Variants in LOC128462377 observed in about 807,000 individuals in gnomAD.
At chr16:89,323,219 G>A in the LOC128462377 span, 31 of 1,002,594 alleles carry the variant, frequency 3.1e-5, no homozygotes, top group East Asian at 6.0e-5. Context: ...CGGACTGAGC[G>A]GAGGAAAAAA....
the LOC128462377 span, among the ~76,000 whole-genome samples, chr16:89,409,161 G>C: frequency 6.6e-6 from 1 of 152,298 alleles, no homozygotes; most frequent in East Asian, 1.9e-4. Context: ...GATTTTTTAG[G>C]TGAAGCCGAC....
chr16:89,331,887 G>A, the LOC128462377 span, among the ~76,000 whole-genome samples: 4 of 151,474 alleles, frequency 2.6e-5, no homozygotes, highest in South Asian at 2.1e-4. Context: ...CCGGGTTAAC[G>A]GGCTGGGGTG....
the LOC128462377 span, among the ~76,000 whole-genome samples, chr16:89,342,593 CA>C: frequency 1.3e-4 from 20 of 152,334 alleles, no homozygotes; most frequent in African/African-American, 4.8e-4. Context: ...TCCCCTCTAT[CA>C]TCTTTCTGAG....
the LOC128462377 span, among the ~76,000 whole-genome samples, chr16:89,366,693 T>C: frequency 1.3e-5 from 2 of 152,058 alleles, no homozygotes; most frequent in African/African-American, 4.8e-5. Flanking sequence ...TAGACAGAGG[T>C]GCGGCACAGT....
At chr16:89,341,221 C>G in the LOC128462377 span, among the ~76,000 whole-genome samples, 1 of 152,242 alleles carries the variant, frequency 6.6e-6, no homozygotes, top group Non-Finnish European at 1.5e-5. Context: ...GACTGGACTT[C>G]TGCTGCCATC....
chr16:89,323,181 C>A, the LOC128462377 span: 1 of 588,866 alleles, frequency 1.7e-6, no homozygotes. Context: ...GTGCCTTGTG[C>A]ACACCTCACA....
chr16:89,326,484 C>T, the LOC128462377 span, among the ~76,000 whole-genome samples: 1 of 152,216 alleles, frequency 6.6e-6, no homozygotes, highest in South Asian at 2.1e-4. Context: ...GTGGCTCACC[C>T]CTGTGGTCCC....
chr16:89,408,142 C>G, the LOC128462377 span, among the ~76,000 whole-genome samples: 1 of 152,152 alleles, frequency 6.6e-6, no homozygotes, highest in East Asian at 1.9e-4. Flanking sequence ...GAAGGACTTG[C>G]GCATGGCCCC....
chr16:89,344,738 A>AGCACAGCGGAGGGCACGGGG, the LOC128462377 span, among the ~76,000 whole-genome samples: 1 of 147,608 alleles, frequency 6.8e-6, no homozygotes, highest in Non-Finnish European at 1.5e-5. Flanking sequence ...AGGGCACGGG[A>AGCACAGCGGAGGGCACGGGG]GCACAGCGGA....
At chr16:89,418,043 A>G in the LOC128462377 span, among the ~76,000 whole-genome samples, 12 of 152,186 alleles carry the variant, frequency 7.9e-5, no homozygotes, top group South Asian at 2.1e-4. Context: ...AACCTATTTA[A>G]TTTTTCAGCA....
chr16:89,393,449 A>G, the LOC128462377 span, among the ~76,000 whole-genome samples: 1 of 146,152 alleles, frequency 6.8e-6, no homozygotes, highest in African/African-American at 2.5e-5. Flanking sequence ...TCAGTCCCCC[A>G]TGTAGCTGGG....
At chr16:89,394,972 T>C in the LOC128462377 span, among the ~76,000 whole-genome samples, 228 of 152,312 alleles carry the variant, frequency 1.5e-3, no homozygotes, top group African/African-American at 5.2e-3. Context: ...GAACCCCCTG[T>C]TAAAAAGATC....
chr16:89,391,121 G>A, the LOC128462377 span, among the ~76,000 whole-genome samples: 4 of 152,026 alleles, frequency 2.6e-5, no homozygotes, highest in Non-Finnish European at 5.9e-5. Context: ...CCAGCTACTC[G>A]GGAGGCTGAA....
At chr16:89,344,039 G>A in the LOC128462377 span, among the ~76,000 whole-genome samples, 1 of 152,150 alleles carries the variant, frequency 6.6e-6, no homozygotes, top group Non-Finnish European at 1.5e-5. Flanking sequence ...CACTCCTCAA[G>A]CCCGGCCCCG....
chr16:89,396,709 CGGAGTTTTACTCTGTCGCCCAGGCT>C, the LOC128462377 span, among the ~76,000 whole-genome samples: 2 of 152,098 alleles, frequency 1.3e-5, no homozygotes, highest in East Asian at 3.8e-4. Context: ...GTTTTTGGGA[CGGAGTTTTACTCTGTCGCCCAGGCT>C]GGAGTGCAAT....
the LOC128462377 span, chr16:89,323,663 C>A: frequency 3.2e-6 from 1 of 316,748 alleles, no homozygotes; most frequent in Non-Finnish European, 6.1e-6. Flanking sequence ...CTCCCGCACA[C>A]CGCCTGACAG....
the LOC128462377 span, among the ~76,000 whole-genome samples, chr16:89,417,295 T>C: frequency 6.6e-6 from 1 of 152,068 alleles, no homozygotes; most frequent in Non-Finnish European, 1.5e-5. Context: ...CAAAACAGAT[T>C]ATGTATTTTT....
chr16:89,407,543 G>A, the LOC128462377 span, among the ~76,000 whole-genome samples: 4 of 152,246 alleles, frequency 2.6e-5, no homozygotes, highest in East Asian at 1.9e-4. Flanking sequence ...CTTCTGGGCC[G>A]CGCAACATGG....
chr16:89,405,693 G>A, the LOC128462377 span, among the ~76,000 whole-genome samples: 19 of 151,880 alleles, frequency 1.3e-4, 1 homozygote, highest in Non-Finnish European at 2.6e-4. Context: ...GTTCTCACAG[G>A]GACAATTCAG....
Sources: gnomAD v4.1 joint callset for allele counts (sites outside exome capture counted in the v4.1 genomes callset) on GRCh38, gnomAD v4.1.1 for gene constraint, MANE v1.5 for transcripts.